The following CKAP5 variants were observed in gnomAD, a reference collection of about 807,000 sequenced individuals.
CKAP5 encodes the protein cytoskeleton-associated protein 5.
A neutral mutation model predicts 232.8 loss-of-function variants in CKAP5; 27 were observed. The ratio of observed to expected loss-of-function variants is 0.12; its 90% CI spans 0.09 to 0.16. CKAP5 has a LOEUF of 0.16. CKAP5 is among the 10% of genes least tolerant of loss of function. CKAP5 has a pLI of 1.00. For missense variants in CKAP5, 1,838 were observed against 2,424.7 expected (o/e 0.76, Z 5.08); for synonymous variants, 785 against 841.1 (o/e 0.93, Z 1.16).
At chr11:46,771,384 C>T (rs2065246709) in intron 24 of CKAP5, among the ~76,000 whole-genome samples, 1 of 152,118 alleles carries the variant, frequency 6.6e-6, no homozygotes, top group Non-Finnish European at 1.5e-5. Context: ...CATTTTTCTT[C>T]TCTATATCCC....
intron 1 of CKAP5, among the ~76,000 whole-genome samples, chr11:46,841,793 G>C (rs373642741): frequency 6.6e-6 from 1 of 152,128 alleles, no homozygotes; most frequent in Non-Finnish European, 1.5e-5. Flanking sequence ...GAGGTTAGGA[G>C]ATTGAGACCA....
chr11:46,772,587 AGTTGATATTAGT>A (rs1160921361), intron 24 of CKAP5, among the ~76,000 whole-genome samples: 1 of 152,182 alleles, frequency 6.6e-6, no homozygotes, highest in African/African-American at 2.4e-5. Flanking sequence ...GTAAAAAATT[AGTTGATATTAGT>A]GTGGGTCTAT....
chr11:46,750,155 A>G, intron 42 of CKAP5, 119 bp downstream of exon 42: 1 of 963,996 alleles, frequency 1.0e-6, no homozygotes, highest in South Asian at 1.7e-5. Context: ...TGGGAAGGCC[A>G]TTTGGTGACC....
intron 28 of CKAP5, 71 bp from the exon 29 acceptor site, chr11:46,763,701 T>C: frequency 1.0e-6 from 1 of 955,424 alleles, no homozygotes; most frequent in Admixed American, 3.0e-5. Flanking sequence ...CCTTATATAA[T>C]GCAGCTGCAG....
chr11:46,765,604 T>C (rs2065196411), intron 27 of CKAP5, among the ~76,000 whole-genome samples: 1 of 139,796 alleles, frequency 7.2e-6, no homozygotes. Context: ...GACATCTTTT[T>C]TTTTTTTTTT....
intron 32 of CKAP5, among the ~76,000 whole-genome samples, 198 bp downstream of exon 32, chr11:46,761,802 G>C (rs2065157111): frequency 6.6e-6 from 1 of 152,164 alleles, no homozygotes; most frequent in Non-Finnish European, 1.5e-5. Flanking sequence ...GCTCAGAAAA[G>C]AAAACTTGAT....
At chr11:46,814,959 C>A (rs571303100) in intron 4 of CKAP5, among the ~76,000 whole-genome samples, 66 of 152,164 alleles carry the variant, frequency 4.3e-4, no homozygotes, top group Non-Finnish European at 8.4e-4. Context: ...AGAAAAAGAG[C>A]TGCTTAAATA....
At chr11:46,812,287 C>A (rs921773419) in intron 4 of CKAP5, among the ~76,000 whole-genome samples, 2 of 151,868 alleles carry the variant, frequency 1.3e-5, no homozygotes, top group African/African-American at 4.8e-5. Flanking sequence ...GCCGAGATCG[C>A]GCCACTGCAC....
chr11:46,752,496 A>G, intron 38 of CKAP5, 139 bp downstream of exon 38: 1 of 544,490 alleles, frequency 1.8e-6, no homozygotes, highest in Non-Finnish European at 3.0e-6. Context: ...TAATATTTTT[A>G]TTACGAAAAA....
chr11:46,807,109 T>C (rs541332694), intron 8 of CKAP5, among the ~76,000 whole-genome samples: 19 of 152,298 alleles, frequency 1.2e-4, no homozygotes, highest in African/African-American at 4.3e-4. Context: ...TACAGTGTTG[T>C]CGGCCAAGAG....
At chr11:46,744,620 T>TC (rs751383261) in intron 42 of CKAP5, 43 bp from the exon 43 acceptor site, 1 of 1,574,092 alleles carries the variant, frequency 6.4e-7, no homozygotes, top group Non-Finnish European at 8.7e-7. Context: ...TATCCACATA[T>TC]CCCCCTTCTA....
At chr11:46,827,869 G>A (rs1209767124) in intron 1 of CKAP5, among the ~76,000 whole-genome samples, 1 of 152,160 alleles carries the variant, frequency 6.6e-6, no homozygotes, top group African/African-American at 2.4e-5. Flanking sequence ...TTAGCAACTA[G>A]TTTTAATTTT....
At chr11:46,800,158 A>T (rs1938994198) in intron 9 of CKAP5, among the ~76,000 whole-genome samples, 1 of 152,182 alleles carries the variant, frequency 6.6e-6, no homozygotes, top group Non-Finnish European at 1.5e-5. Context: ...ATATTATATA[A>T]TATTGATTGC....
chr11:46,809,822 G>A lies in CKAP5; in HGVS notation c.683C>T (p.Pro228Leu). ...WVKLPTSAPR[P>L]TRFLRSQQEL... ...TTGTTGGGAACGAAGAAATCGAGTA[G>A]GTCTAGGAGCACTTGTTGGCAGTTT... The change falls in exon 6 of 44, where the codon CCT becomes CTT. Residue 228 changes from proline (P) to leucine (L), a missense_variant. Coordinates refer to ENST00000529230, the MANE Select transcript of CKAP5 (RefSeq NM_001008938.4). 1.2e-6 allele frequency: 2 copies of A among 1,613,632 alleles called. No individual in the cohort carries two copies. The highest frequency in any genetic ancestry group is 2.2e-5 in the South Asian group (2 of 90,920).
In CKAP5 at chr11:46,816,355, G is replaced by A; in HGVS notation, c.301C>T (p.Pro101Ser). 6.2e-7 allele frequency: 1 copy of A among 1,613,972 alleles called. No homozygotes were observed. The highest frequency in any genetic ancestry group is 2.2e-5 in the East Asian group (1 of 44,874). Reference protein sequence around the residue: ...SGVVSKVFNQPKAKAKELGIE... With the variant: ...SGVVSKVFNQSKAKAKELGIE... Reference sequence around the variant, plus strand: ...CCCAGCTCCTTGGCTTTAGCTTTAGGTTGATTGAACACCTTACTTACAACA... The same window carrying A: ...CCCAGCTCCTTGGCTTTAGCTTTAGATTGATTGAACACCTTACTTACAACA... The change falls in exon 4 of 44, where the codon CCT becomes TCT. Residue 101 changes from proline to serine, a missense_variant. Transcript: ENST00000529230.
Position 46,767,571 on chromosome 11 carries a change from A to G in CKAP5, c.3411+4T>C. The G allele has an allele frequency of 9.4e-6, 15 of 1,597,874 alleles. No individual in the cohort carries two copies. The highest frequency in any genetic ancestry group is 1.3e-5 in the Non-Finnish European group (15 of 1,166,142). On this transcript the variant is annotated splice_donor_region_variant and intron_variant, in intron 27 of 43. Transcript: ENST00000529230. ...CTACATCGAAGTATACAGAGTTAAC[A>G]TACCTTTGCTTTAGAGGATAATCCT...
chr11:46,838,250 G>A (rs1197254402), intron 1 of CKAP5, among the ~76,000 whole-genome samples: 1 of 152,126 alleles, frequency 6.6e-6, no homozygotes, highest in Non-Finnish European at 1.5e-5. Flanking sequence ...AAATTCAGAT[G>A]TATAATTTTT....
intron 19 of CKAP5, 41 bp downstream of exon 19, chr11:46,780,387 A>G: frequency 6.2e-7 from 1 of 1,613,490 alleles, no homozygotes. Context: ...TAAATCCACA[A>G]AGATGGCAAT....
intron 3 of CKAP5, among the ~76,000 whole-genome samples, chr11:46,816,786 AT>A (rs397848056): frequency 0.33 from 41,804 of 126,850 alleles, 6,946 homozygotes; most frequent in East Asian, 0.62. Context: ...CTTGCTTTCA[AT>A]TTTTTTTTTT....
Sources: allele counts gnomAD v4.1 joint callset (sites outside exome capture counted in the v4.1 genomes callset), GRCh38; gene constraint gnomAD v4.1.1; transcripts MANE v1.5; gene names NCBI Gene and HGNC (gene_info 2026-07-23, HGNC 2026-07-21).